MUC5AC: variants seen among roughly 807,000 people sequenced by gnomAD.
MUC5AC encodes mucin-5AC.
MUC5AC carries 158 observed loss-of-function variants against 169.7 expected under a neutral mutation model. The ratio of observed to expected loss-of-function variants is 0.93; its 90% CI spans 0.82 to 1.06. The LOEUF is 1.06. Among genes scored for constraint, MUC5AC ranks in the 50% least tolerant of loss-of-function variants. The probability of loss-of-function intolerance (pLI) is 0.00; values close to 1 mark genes in which losing one functional copy is unlikely to be tolerated. For missense variants in MUC5AC, 4,359 were observed against 3,089.9 expected (o/e 1.41, Z -9.74); for synonymous variants, 1,975 against 1,237.0 (o/e 1.60, Z -12.52).
In MUC5AC at chr11:1,164,412, A is replaced by G; in HGVS notation, c.1009A>G (p.Lys337Glu). The change falls in exon 9 of 49, where the codon AAG becomes GAG. Residue 337 changes from lysine (K) to glutamate (E), a missense_variant. Transcript: ENST00000621226. Reference sequence around the variant, plus strand: ...CCTCTCTCTGCCTCCCGCAGCCCAGAAGTGCCCCAACAACATGCAGTACCA... The same window carrying G: ...CCTCTCTCTGCCTCCCGCAGCCCAGGAGTGCCCCAACAACATGCAGTACCA... ...DWRGPDFCPQ[K>E]CPNNMQYHEC... 6.2e-7 allele frequency: 1 copy of G among 1,612,328 alleles called. No individual in the cohort carries two copies. The highest frequency in any genetic ancestry group is 8.5e-7 in the Non-Finnish European group (1 of 1,179,748).
intron 9 of MUC5AC, 89 bp from the exon 10 acceptor site, chr11:1,165,213 C>A: frequency 7.9e-7 from 1 of 1,260,270 alleles, no homozygotes; most frequent in Admixed American, 2.1e-5. Context: ...GAGGCCCCAG[C>A]TCGCTGTGGG....
At chr11:1,174,371 G>A in intron 16 of MUC5AC, 125 bp from the exon 17 acceptor site, 2 of 608,794 alleles carry the variant, frequency 3.3e-6, no homozygotes, top group African/African-American at 1.9e-5. Flanking sequence ...TCACAGAGGG[G>A]TCCTGGGGGC....
rs913360416 is a variant in MUC5AC at position 1,182,358 on chromosome 11, G to A, written c.4213G>A (p.Gly1405Ser). ...CCGCCCTGGACGGGGCACGGACAGC[G>A]GTGACTTCGACACACTGGAGAACCT... ...VSRPGRGTDS[G>S]DFDTLENLRA... is the part of the protein sequence containing the mutation. Residue 1405 changes from glycine to serine, a missense_variant, in exon 31 of 49, where the codon GGT (glycine) becomes AGT (serine). Coordinates refer to ENST00000621226, the MANE Select transcript of MUC5AC (RefSeq NM_001304359.2). 11 of 398,454 alleles carry A rather than the reference G, an allele frequency of 2.8e-5. No individual in the cohort carries two copies. The Admixed American group carries it at 3.1e-4, about 11-fold the overall frequency. 24.7% of individuals were successfully genotyped at this position (398,454 alleles called of 1,614,324 possible).
chr11:1,194,760 G>A (rs1490083375), intron 35 of MUC5AC, 90 bp downstream of exon 35: 13 of 646,442 alleles, frequency 2.0e-5, no homozygotes, highest in South Asian at 5.4e-5. Context: ...CGCGTGTGCC[G>A]GTGTCTCTGC....
Position 1,163,029 on chromosome 11 carries a change from C to T in MUC5AC, c.663C>T (p.Ser221=), listed in dbSNP as rs35783651. ...ACTTCAACGGGATGCCCGTGGTCAG[C>T]GAGCTCCTCTCCCACAGTAAGGCCC... The part of the protein sequence containing the change: ...CGDFNGMPVV[S]ELLSHNTKLT... Residue 221 remains serine (S), a synonymous_variant, in exon 6 of 49, where the codon AGC becomes AGT. Coordinates refer to ENST00000621226, the MANE Select transcript of MUC5AC (RefSeq NM_001304359.2). 76 of 1,612,584 alleles carry T rather than the reference C, an allele frequency of 4.7e-5. No homozygotes were observed. Among genetic ancestry groups the T allele is most frequent in the Admixed American group, 2.0e-4 (12 of 60,028 alleles).
Position 1,185,350 on chromosome 11 carries a change from C to T in MUC5AC, c.7205C>T (p.Thr2402Ile). The T allele has an allele frequency of 2.8e-6, 2 of 714,552 alleles. No individual in the cohort carries two copies. Among genetic ancestry groups the T allele is most frequent in the South Asian group, 2.9e-5 (2 of 69,422 alleles). The allele number at this position is 714,552 out of a possible 1,614,324, so 44.3% of individuals were successfully genotyped here. Residue 2402 changes from threonine (T) to isoleucine (I), a missense_variant, in exon 31 of 49, where the codon ACC (threonine) becomes ATC (isoleucine). Transcript: ENST00000621226. ...PETTPSPVPT[T>I]STTSATTTST... ...ACTACTCCCAGCCCTGTTCCTACCACCAGCACAACCTCTGCCACTACAACC... is the reference window on the plus strand; with the variant it reads ...ACTACTCCCAGCCCTGTTCCTACCATCAGCACAACCTCTGCCACTACAACC...
Position 1,190,446 on chromosome 11 carries a change from C to A in MUC5AC, c.12301C>A (p.Pro4101Thr), listed in dbSNP as rs1453307545. Residue 4101 changes from proline to threonine, a missense_variant, in exon 31 of 49, where the codon CCA becomes ACA. Transcript: ENST00000621226. ...TLVTTSTTST[P>T]QTSTTSAPTT... The stretch of plus-strand genomic sequence containing the variant: ...GGTGACAACCAGCACAACCTCCACT[C>A]CACAGACCAGCACAACCTCTGCCCC... The A allele has an allele frequency of 8.7e-6, 6 of 689,238 alleles. No individual in the cohort carries two copies. The highest frequency in any genetic ancestry group is 5.3e-5 in the African/African-American group (3 of 56,922). 42.7% of individuals were successfully genotyped at this position (689,238 alleles called of 1,614,324 possible).
chr11:1,192,132 A>G lies in MUC5AC; in HGVS notation c.13987A>G (p.Lys4663Glu), dbSNP rs1448279686. ...CAACAACATCATCAGGAGTGGGGAA[A>G]AAATCTGCCGCCGACCTGAGGAGAT... ...TYNNIIRSGE[K>E]ICRRPEEITR... The change falls in exon 31 of 49, where the codon AAA becomes GAA. Residue 4663 changes from lysine (K) to glutamate (E), a missense_variant. Coordinates refer to ENST00000621226, the MANE Select transcript of MUC5AC (RefSeq NM_001304359.2). 7.8e-6 allele frequency: 6 copies of G among 764,940 alleles called. No individual in the cohort carries two copies. Among genetic ancestry groups the G allele is most frequent in the Admixed American group, 1.7e-5 (1 of 59,012 alleles). 47.4% of individuals were successfully genotyped at this position (764,940 alleles called of 1,614,324 possible).
At chr11:1,169,061 G>T in intron 15 of MUC5AC, 35 bp downstream of exon 15, 1 of 1,509,172 alleles carries the variant, frequency 6.6e-7, no homozygotes, top group South Asian at 1.3e-5. Context: ...TGTGCTGGCC[G>T]CCTGGCGCTG....
In MUC5AC at chr11:1,177,227, C is replaced by A. The variant is rs1860709252; in HGVS notation, c.2794-4C>A. On this transcript the variant is annotated splice_region_variant and splice_polypyrimidine_tract_variant and intron_variant, in intron 22 of 48. Coordinates refer to ENST00000621226, the MANE Select transcript of MUC5AC (RefSeq NM_001304359.2). ...CTGGTCCTTGATGGCCTCTGCTTCC[C>A]CAGAACCACTGTGGCGGGAAAGACA... 2.5e-6 allele frequency: 1 copy of A among 407,296 alleles called. No homozygotes were observed. The highest frequency in any genetic ancestry group is 4.3e-6 in the Non-Finnish European group (1 of 231,312). The allele number at this position is 407,296 out of a possible 1,614,324, so 25.2% of individuals were successfully genotyped here.
chr11:1,175,646 ACACACCCACTCATACACACGCACT>A (rs1860657038), intron 19 of MUC5AC, among the ~76,000 whole-genome samples: 2 of 141,728 alleles, frequency 1.4e-5, no homozygotes, highest in Non-Finnish European at 3.0e-5. Context: ...TGCAACACTC[ACACACCCACTCATACACACGCACT>A]CACACCCACT....
At chr11:1,161,760 T>C in intron 3 of MUC5AC, 147 bp from the exon 4 acceptor site, 1 of 1,331,378 alleles carries the variant, frequency 7.5e-7, no homozygotes, top group Admixed American at 2.5e-5. Context: ...ACTTCCCAGA[T>C]GCAGGAAGGA....
In MUC5AC at chr11:1,187,391, C is replaced by T; in HGVS notation, c.9246C>T (p.Thr3082=). ...CCAGCACAACCTCTGCTCCTACAACCAGCACAACCTCTGCCGCTACAACCA... is the reference window on the plus strand; with the variant it reads ...CCAGCACAACCTCTGCTCCTACAACTAGCACAACCTCTGCCGCTACAACCA... ...PTTSTTSAPT[T]STTSAATTST... The change falls in exon 31 of 49, where the codon ACC becomes ACT. Residue 3082 remains threonine (T), a synonymous_variant. Coordinates refer to ENST00000621226, the MANE Select transcript of MUC5AC (RefSeq NM_001304359.2). The T allele has an allele frequency of 2.7e-6, 2 of 739,532 alleles. No individual in the cohort carries two copies. Among genetic ancestry groups the T allele is most frequent in the Non-Finnish European group, 2.5e-6 (1 of 405,774 alleles). The allele number at this position is 739,532 out of a possible 1,614,324, so 45.8% of individuals were successfully genotyped here. A position where few individuals can be genotyped will look rare whatever the true frequency, so the allele number is the denominator to read the frequency against.
chr11:1,158,224 G>A (rs1020515654), intron 1 of MUC5AC, among the ~76,000 whole-genome samples, 152 bp downstream of exon 1: 4 of 152,236 alleles, frequency 2.6e-5, no homozygotes, highest in African/African-American at 7.2e-5. Context: ...GCCTGGCCAC[G>A]AACGAGCAGT....
Position 1,191,898 on chromosome 11 carries a change from A to G in MUC5AC, c.13753A>G (p.Thr4585Ala). Reference protein sequence around the residue: ...TSTTSAPTTSTTSGPGTTPSP... With the variant: ...TSTTSAPTTSATSGPGTTPSP... ...CACAACCTCTGCTCCTACAACCAGC[A>G]CGACCTCTGGTCCTGGAACTACTCC... Residue 4585 changes from threonine to alanine, a missense_variant, in exon 31 of 49, where the codon ACG (threonine) becomes GCG (alanine). By Grantham distance (58) the Thr-to-Ala change is moderately conservative. Coordinates refer to ENST00000621226, the MANE Select transcript of MUC5AC (RefSeq NM_001304359.2). The G allele has an allele frequency of 1.3e-6, 1 of 763,204 alleles. No homozygotes were observed. Among genetic ancestry groups the G allele is most frequent in the Non-Finnish European group, 2.4e-6 (1 of 417,428 alleles). 47.3% of individuals were successfully genotyped at this position (763,204 alleles called of 1,614,324 possible).
intron 15 of MUC5AC, among the ~76,000 whole-genome samples, chr11:1,170,126 T>C (rs1288118466): frequency 4.1e-5 from 3 of 72,762 alleles, no homozygotes; most frequent in Non-Finnish European, 2.7e-5. Flanking sequence ...CATTCACCCA[T>C]TCACTCACTC....
rs1013829578 is a variant in MUC5AC, at chr11:1,175,210, C to T, written c.2349-8C>T. 2 of 398,652 alleles carry T rather than the reference C, an allele frequency of 5.0e-6. No homozygotes were observed. The highest frequency in any genetic ancestry group is 4.4e-6 in the Non-Finnish European group (1 of 226,192). The allele number at this position is 398,652 out of a possible 1,614,324, so 24.7% of individuals were successfully genotyped here. On this transcript the variant is annotated splice_polypyrimidine_tract_variant and splice_region_variant and intron_variant, in intron 18 of 48. Coordinates refer to ENST00000621226, the MANE Select transcript of MUC5AC (RefSeq NM_001304359.2). The stretch of plus-strand genomic sequence containing the variant: ...CAGGCTGAGGCTCTGACCACCATCT[C>T]CTCACAGCACCTGCACACATGGGAA...
chr11:1,199,098 C>T lies in MUC5AC; in HGVS notation c.16308C>T (p.Tyr5436=). The T allele has an allele frequency of 1.3e-6, 1 of 764,700 alleles. No homozygotes were observed. Among genetic ancestry groups the T allele is most frequent in the Non-Finnish European group, 2.4e-6 (1 of 417,726 alleles). The allele number at this position is 764,700 out of a possible 1,614,324, so 47.4% of individuals were successfully genotyped here. ...CATCCCTCCCGCAGGGCTTCGAGTA[C>T]CAGGAGCAGAGCGGGCAGTGCTGTG... ...CNTHCPVGFE[Y]QEQSGQCCGT... The change falls in exon 45 of 49, where the codon TAC becomes TAT. Residue 5436 remains tyrosine (Y), a synonymous_variant. Transcript: ENST00000621226.
Position 1,162,574 on chromosome 11 carries a change from G to A in MUC5AC, c.516G>A (p.Gln172=), listed in dbSNP as rs770128307. ...PFSQSGVLIQ[Q]SSSYTKVEAR... Reference sequence around the variant, plus strand: ...GCCAGTCTGGGGTCCTCATTCAGCAGAGCAGCAGCTACACCAAGGTGGAGG... The same window carrying A: ...GCCAGTCTGGGGTCCTCATTCAGCAAAGCAGCAGCTACACCAAGGTGGAGG... Residue 172 remains glutamine, a synonymous_variant, in exon 5 of 49, where the codon CAG becomes CAA. Transcript: ENST00000621226. The A allele has an allele frequency of 2.3e-5, 37 of 1,612,618 alleles. No individual in the cohort carries two copies. Among genetic ancestry groups the A allele is most frequent in the Admixed American group, 8.3e-5 (5 of 60,010 alleles).
Sources: gnomAD v4.1 joint callset for allele counts (sites outside exome capture counted in the v4.1 genomes callset) on GRCh38, gnomAD v4.1.1 for gene constraint, MANE v1.5 for transcripts, NCBI Gene and HGNC (gene_info 2026-07-23, HGNC 2026-07-21) for gene names.